Variants in TRIM24 observed in about 807,000 individuals in gnomAD.
TRIM24 encodes the protein tripartite motif containing 24.
A neutral mutation model predicts 123.9 loss-of-function variants in TRIM24; 29 were observed. That is an observed-to-expected ratio of 0.23 (90% confidence interval 0.17 to 0.32). The LOEUF (loss-of-function observed/expected upper bound fraction) is 0.32, where lower values mean the gene tolerates loss of function less well. Among genes scored for constraint, TRIM24 ranks in the 10% least tolerant of loss-of-function variants. The pLI is 1.00. For missense variants in TRIM24, 932 were observed against 1,295.3 expected (o/e 0.72, Z 4.31); for synonymous variants, 456 against 461.1 (o/e 0.99, Z 0.14).
intron 2 of TRIM24, among the ~76,000 whole-genome samples, chr7:138,508,181 C>T (rs117968513): frequency 0.013 from 2,040 of 152,246 alleles, 28 homozygotes; most frequent in Middle Eastern, 0.024. Context: ...AACTGAGTTG[C>T]ATATTCAATA....
chr7:138,462,582 C>T (rs1372678144), intron 1 of TRIM24, among the ~76,000 whole-genome samples: 2 of 151,760 alleles, frequency 1.3e-5, no homozygotes, highest in African/African-American at 4.8e-5. Context: ...CCTCGTGATC[C>T]GCCCGCCTCG....
At chr7:138,561,077 G>C (rs528548608) in intron 9 of TRIM24, among the ~76,000 whole-genome samples, 1 of 152,258 alleles carries the variant, frequency 6.6e-6, no homozygotes, top group East Asian at 1.9e-4. Flanking sequence ...CCATGAACAT[G>C]CAATGTGGCA....
intron 9 of TRIM24, among the ~76,000 whole-genome samples, chr7:138,564,323 T>C (rs538024001): frequency 6.6e-6 from 1 of 152,310 alleles, no homozygotes; most frequent in Admixed American, 6.5e-5. Context: ...CCTGACCTCC[T>C]GGGGCTCCGA....
intron 7 of TRIM24, among the ~76,000 whole-genome samples, chr7:138,549,691 TG>T (rs1246953637): frequency 6.6e-6 from 1 of 151,954 alleles, no homozygotes; most frequent in Non-Finnish European, 1.5e-5. Context: ...GCAAAAGAAA[TG>T]GGGTAGTTGA....
intron 17 of TRIM24, among the ~76,000 whole-genome samples, chr7:138,583,224 C>T (rs1797938775): frequency 6.6e-6 from 1 of 152,102 alleles, no homozygotes; most frequent in Non-Finnish European, 1.5e-5. Flanking sequence ...ATGTCAGATT[C>T]TACTAGAAAT....
At position 138,511,247 on chromosome 7, in the gene TRIM24, TG is replaced by T. The variant is rs368236066; in HGVS notation, c.484-3963del. ...AGGGGCAGCAGGCTTGTCTTACATGTGGCCGGAGCAGGAGCCAAAAGAGGGT... is the reference window on the plus strand; with the variant it reads ...AGGGGCAGCAGGCTTGTCTTACATGTGCCGGAGCAGGAGCCAAAAGAGGGT... On this transcript the variant is annotated intron_variant, in intron 2 of 18. Transcript: ENST00000343526. Among the ~76,000 whole-genome samples the T allele has an allele frequency of 4.9e-3, 740 of 151,538 alleles. 8 individuals carry two copies. Among genetic ancestry groups the T allele is most frequent in the Non-Finnish European group, 5.9e-3 (399 of 67,922 alleles).
intron 8 of TRIM24, among the ~76,000 whole-genome samples, chr7:138,552,514 G>T (rs1453837832): frequency 6.6e-6 from 1 of 151,910 alleles, no homozygotes; most frequent in East Asian, 1.9e-4. Context: ...CCTACACATT[G>T]TCTGTTTATC....
chr7:138,584,596 G>C, intron 18 of TRIM24, 146 bp from the exon 19 acceptor site: 1 of 555,352 alleles, frequency 1.8e-6, no homozygotes, highest in Non-Finnish European at 3.0e-6. Context: ...ATTTTAGCTG[G>C]CCTTCTGTAC....
rs530954334 is a variant in TRIM24, at chr7:138,581,381, C to A, written c.2719-316C>A. Among the ~76,000 whole-genome samples the A allele has an allele frequency of 1.4e-3, 211 of 152,164 alleles. 3 individuals carry two copies. Among genetic ancestry groups the A allele is most frequent in the Non-Finnish European group, 1.5e-3 (103 of 68,036 alleles). ...ATATTGAGAAGGTCCACCTCCAGTT[C>A]TCCTAAGAGACGTACGTTCTTCCTT... On this transcript the variant is annotated intron_variant, in intron 16 of 18. Coordinates refer to ENST00000343526, the MANE Select transcript of TRIM24 (RefSeq NM_015905.3).
intron 6 of TRIM24, among the ~76,000 whole-genome samples, chr7:138,536,649 C>T (rs191746865): frequency 6.6e-6 from 1 of 152,360 alleles, no homozygotes; most frequent in Non-Finnish European, 1.5e-5. Flanking sequence ...CCCAATTAGG[C>T]TACTTGGGGG....
Position 138,585,062 on chromosome 7 carries a change from T to C in TRIM24, c.*111T>C. 1 of 927,014 alleles carries C rather than the reference T, an allele frequency of 1.1e-6. No individual in the cohort carries two copies. Among genetic ancestry groups the C allele is most frequent in the East Asian group, 2.7e-5 (1 of 36,746 alleles). The allele number at this position is 927,014 out of a possible 1,614,324, so 57.4% of individuals were successfully genotyped here. A position where few individuals can be genotyped will look rare whatever the true frequency, so the allele number is the denominator to read the frequency against. ...AGAAGAGTTTGTGACTATTCTCATC[T>C]CTGTTTTGGACGTTTACTAGACTTT... On this transcript the variant is annotated 3_prime_UTR_variant, in exon 19 of 19. Coordinates refer to ENST00000343526, the MANE Select transcript of TRIM24 (RefSeq NM_015905.3).
chr7:138,543,074 G>T (rs1334675994), intron 7 of TRIM24, among the ~76,000 whole-genome samples: 1 of 152,152 alleles, frequency 6.6e-6, no homozygotes, highest in Non-Finnish European at 1.5e-5. Context: ...ACACATTCAT[G>T]CAATCAGATA....
At chr7:138,491,506 A>G (rs1207997224) in intron 1 of TRIM24, 1 of 153,026 alleles carries the variant, frequency 6.5e-6, no homozygotes, top group Non-Finnish European at 1.5e-5. Context: ...ATAGCATAGC[A>G]CATATCAGAC....
intron 1 of TRIM24, among the ~76,000 whole-genome samples, chr7:138,471,348 A>G (rs1795268761): frequency 6.6e-6 from 1 of 152,184 alleles, no homozygotes; most frequent in African/African-American, 2.4e-5. Flanking sequence ...TAAAATAAAC[A>G]TAACTATTAT....
chr7:138,523,750 C>CA (rs756103684), intron 4 of TRIM24, among the ~76,000 whole-genome samples: 2,839 of 56,150 alleles, frequency 0.051, 177 homozygotes, highest in African/African-American at 0.14. Flanking sequence ...GACTCCGTCT[C>CA]AAAAAAAAAA....
intron 1 of TRIM24, among the ~76,000 whole-genome samples, chr7:138,465,307 T>C (rs369241829): frequency 6.6e-6 from 1 of 152,340 alleles, no homozygotes; most frequent in East Asian, 1.9e-4. Flanking sequence ...CAGTTATATC[T>C]AGGAGAGAGG....
chr7:138,502,830 A>C (rs537779777), intron 1 of TRIM24, among the ~76,000 whole-genome samples: 8 of 152,248 alleles, frequency 5.3e-5, no homozygotes, highest in Admixed American at 5.2e-4. Context: ...GTTCATGGTA[A>C]TATTTTCACT....
At chr7:138,512,797 C>T (rs1238284418) in intron 2 of TRIM24, among the ~76,000 whole-genome samples, 1 of 152,132 alleles carries the variant, frequency 6.6e-6, no homozygotes, top group East Asian at 1.9e-4. Context: ...TCAAGGCCTT[C>T]CCCCTACCCC....
Position 138,534,750 on chromosome 7 carries a change from T to G in TRIM24, c.997-3907T>G, listed in dbSNP as rs1022210095. ...TAGGTCTGCTTGGTGAAGAGCTGAG[T>G]TCAATTCCTGGATATCCTTGTTAAC... On this transcript the variant is annotated intron_variant, in intron 6 of 18. Transcript: ENST00000343526. Among the ~76,000 whole-genome samples the G allele has an allele frequency of 5.9e-5, 9 of 152,288 alleles. No individual in the cohort carries two copies. The East Asian group carries it at 1.7e-3, about 29-fold the overall frequency.
Sources: allele counts gnomAD v4.1 joint callset (sites outside exome capture counted in the v4.1 genomes callset), GRCh38; gene constraint gnomAD v4.1.1; transcripts MANE v1.5; gene names NCBI Gene and HGNC (gene_info 2026-07-23, HGNC 2026-07-21).